The following XRCC4 variants were observed in gnomAD, a reference collection of about 807,000 sequenced individuals.
XRCC4 encodes the protein X-ray repair cross complementing 4, also known as DNA repair protein XRCC4.
Under a neutral mutation model 39.1 loss-of-function variants are expected in XRCC4, and 28 were observed. That is an observed-to-expected ratio of 0.72 (90% CI 0.53 to 0.98). The LOEUF (loss-of-function observed/expected upper bound fraction) is 0.98, where lower values mean the gene tolerates loss of function less well. Among genes scored for constraint, XRCC4 ranks in the 50% least tolerant of loss-of-function variants. XRCC4 has a pLI of 0.00. For synonymous variants in XRCC4, 123 were observed against 126.4 expected (o/e 0.97, Z 0.18); for missense variants, 350 against 376.4 (o/e 0.93, Z 0.58).
intron 7 of XRCC4, among the ~76,000 whole-genome samples, chr5:83,313,240 G>C (rs185681844): frequency 9.9e-5 from 15 of 151,964 alleles, no homozygotes; most frequent in African/African-American, 3.6e-4. Flanking sequence ...ACTTTCTTAC[G>C]TATCCTTTAG....
intron 7 of XRCC4, chr5:83,279,968 A>G (rs1371291693): frequency 5.5e-6 from 1 of 180,286 alleles, no homozygotes; most frequent in Non-Finnish European, 1.3e-5. Context: ...TTATTTCTGG[A>G]CTATACAACT....
chr5:83,143,815 T>A (rs1429333352), intron 3 of XRCC4, among the ~76,000 whole-genome samples: 1 of 152,158 alleles, frequency 6.6e-6, no homozygotes, highest in African/African-American at 2.4e-5. Context: ...TTCTTTTGCA[T>A]GTAATTGTTT....
At chr5:83,100,964 T>C (rs983268326) in intron 1 of XRCC4, among the ~76,000 whole-genome samples, 2 of 152,146 alleles carry the variant, frequency 1.3e-5, no homozygotes, top group Non-Finnish European at 2.9e-5. Context: ...GACCTTATTG[T>C]AGGAGAAAAT....
chr5:83,146,322 A>G (rs1055712752), intron 3 of XRCC4, among the ~76,000 whole-genome samples: 2 of 152,200 alleles, frequency 1.3e-5, no homozygotes, highest in African/African-American at 4.8e-5. Context: ...GCTATTTCAA[A>G]CTGAATTGGA....
At chr5:83,321,849 A>G (rs551195015) in intron 7 of XRCC4, among the ~76,000 whole-genome samples, 3 of 151,986 alleles carry the variant, frequency 2.0e-5, no homozygotes, top group South Asian at 2.1e-4. Context: ...GTTCCTTATT[A>G]TCCATGATTA....
At chr5:83,185,601 A>G (rs1426878461) in intron 3 of XRCC4, among the ~76,000 whole-genome samples, 1 of 151,914 alleles carries the variant, frequency 6.6e-6, no homozygotes, top group Non-Finnish European at 1.5e-5. Context: ...TGAAAAAAGA[A>G]TTAAGAGATG....
downstream of XRCC4, among the ~76,000 whole-genome samples, chr5:83,354,298 G>T (rs778228588): frequency 5.9e-5 from 9 of 152,072 alleles, no homozygotes; most frequent in Admixed American, 5.2e-4. Flanking sequence ...CTTCTCCTTT[G>T]CCCAATAGTT....
intron 5 of XRCC4, among the ~76,000 whole-genome samples, chr5:83,204,289 T>A (rs192837185): frequency 1.3e-5 from 2 of 152,170 alleles, no homozygotes; most frequent in Non-Finnish European, 2.9e-5. Flanking sequence ...GCTTTGAATC[T>A]TAGTAGAAGT....
intron 3 of XRCC4, among the ~76,000 whole-genome samples, chr5:83,188,164 C>G (rs1164671844): frequency 6.6e-6 from 1 of 152,080 alleles, no homozygotes; most frequent in African/African-American, 2.4e-5. Flanking sequence ...GCTAGGAGTC[C>G]TAGCTTTTAC....
intron 3 of XRCC4, among the ~76,000 whole-genome samples, chr5:83,178,011 G>C (rs1393288670): frequency 6.6e-6 from 1 of 152,134 alleles, no homozygotes; most frequent in Non-Finnish European, 1.5e-5. Context: ...AATTGAGATT[G>C]AGATAAGGGG....
At chr5:83,223,704 T>C (rs543811791) in intron 6 of XRCC4, among the ~76,000 whole-genome samples, 1 of 152,240 alleles carries the variant, frequency 6.6e-6, no homozygotes, top group South Asian at 2.1e-4. Context: ...TATTATACTT[T>C]AAGTTCTAGG....
At chr5:83,162,024 A>G (rs6867084) in intron 3 of XRCC4, among the ~76,000 whole-genome samples, 73,622 of 151,844 alleles carry the variant, frequency 0.48, 18,806 homozygotes, top group African/African-American at 0.63. Flanking sequence ...AAAATTAGCC[A>G]GGTGTGGTGG....
chr5:83,187,141 C>T (rs1750486962), intron 3 of XRCC4, among the ~76,000 whole-genome samples: 1 of 64,814 alleles, frequency 1.5e-5, no homozygotes, highest in Admixed American at 1.2e-4. Context: ...GGCGGGGTTT[C>T]ACCGCGTTAG....
chr5:83,190,365 A>G (rs1213879414), intron 3 of XRCC4, among the ~76,000 whole-genome samples: 3 of 152,212 alleles, frequency 2.0e-5, no homozygotes, highest in East Asian at 1.9e-4. Context: ...TGGATAGACT[A>G]CTGTTTTTAG....
At chr5:83,262,960 A>C (rs1753813907) in intron 7 of XRCC4, among the ~76,000 whole-genome samples, 1 of 146,810 alleles carries the variant, frequency 6.8e-6, no homozygotes, top group Non-Finnish European at 1.5e-5. Flanking sequence ...GTCATCTAGC[A>C]TTAGGTATAT....
intron 6 of XRCC4, among the ~76,000 whole-genome samples, chr5:83,244,575 C>G (rs939967388): frequency 0.026 from 2 of 76 alleles, no homozygotes; most frequent in Non-Finnish European, 0.056. Flanking sequence ...CTTATGATAA[C>G]TCCTTTGGGG....
intron 6 of XRCC4, among the ~76,000 whole-genome samples, chr5:83,227,753 C>A (rs982128234): frequency 6.6e-6 from 1 of 152,020 alleles, no homozygotes; most frequent in Admixed American, 6.6e-5. Context: ...CACTCAAGTT[C>A]TTTTTCTATT....
intron 3 of XRCC4, among the ~76,000 whole-genome samples, chr5:83,136,444 T>C (rs1266769811): frequency 1.3e-5 from 2 of 152,336 alleles, no homozygotes; most frequent in Non-Finnish European, 2.9e-5. Flanking sequence ...TCCGGGTACT[T>C]GTTGAAAGTT....
At chr5:83,300,888 G>A (rs1755261418) in intron 7 of XRCC4, among the ~76,000 whole-genome samples, 1 of 152,040 alleles carries the variant, frequency 6.6e-6, no homozygotes, top group African/African-American at 2.4e-5. Flanking sequence ...GTTCATCCAT[G>A]TCCCCTGCAA....
Sources: allele counts gnomAD v4.1 joint callset (sites outside exome capture counted in the v4.1 genomes callset), GRCh38; gene constraint gnomAD v4.1.1; transcripts MANE v1.5; gene names NCBI Gene and HGNC (gene_info 2026-07-23, HGNC 2026-07-21).